Variants in ATP11C observed in about 807,000 individuals in gnomAD.
ATP11C encodes ATPase phospholipid transporting 11C (ATP11C blood group), also known as phospholipid-transporting ATPase IG.
In ATP11C, 36 loss-of-function variants were observed where a neutral mutation model predicts 97.4. The ratio of observed to expected loss-of-function variants is 0.37; its 90% CI spans 0.28 to 0.49. The LOEUF is 0.49. Among genes scored for constraint, ATP11C ranks in the 20% least tolerant of loss-of-function variants. ATP11C has a pLI of 0.98. For missense variants in ATP11C, 730 were observed against 824.6 expected, an observed-to-expected ratio of 0.89 and a Z score of 1.40; for synonymous variants, 275 against 290.9, an observed-to-expected ratio of 0.95 and a Z score of 0.56.
At chrX:139,747,645 C>T (rs1165725116) in intron 24 of ATP11C, among the ~76,000 whole-genome samples, 1 of 111,490 alleles carries the variant, frequency 9.0e-6, no homozygotes, top group Admixed American at 9.6e-5. Context: ...CCAATTATGT[C>T]ATCTCACATC....
At chrX:139,916,694 C>A (rs947407152) in intron 1 of ATP11C, among the ~76,000 whole-genome samples, 1 of 110,414 alleles carries the variant, frequency 9.1e-6, no homozygotes, top group African/African-American at 3.3e-5. Flanking sequence ...ATACAACGGT[C>A]CTGTGGCAGA....
intron 1 of ATP11C, among the ~76,000 whole-genome samples, chrX:139,851,304 T>C (rs774862691): frequency 2.7e-5 from 3 of 112,332 alleles, no homozygotes; most frequent in South Asian, 3.7e-4. Flanking sequence ...ACAAAGTCCA[T>C]GCCATAAACC....
intron 14 of ATP11C, among the ~76,000 whole-genome samples, chrX:139,787,534 G>C (rs2082601439): frequency 8.9e-6 from 1 of 112,333 alleles, no homozygotes; most frequent in Non-Finnish European, 1.9e-5. Context: ...CTGACCTCAG[G>C]TGATCCACCC....
At chrX:139,868,533 T>TG (rs1178907670) in intron 1 of ATP11C, among the ~76,000 whole-genome samples, 1 of 104,875 alleles carries the variant, frequency 9.5e-6, no homozygotes, top group Non-Finnish European at 2.0e-5. Flanking sequence ...CTGACCAATA[T>TG]GGTGAAACCC....
chrX:139,871,516 C>CT (rs1206468631), intron 1 of ATP11C, among the ~76,000 whole-genome samples: 3,401 of 77,127 alleles, frequency 0.044, 135 homozygotes, highest in African/African-American at 0.092. Flanking sequence ...GCCACCCCCG[C>CT]TTTTTTTTTT....
rs905394860 is a variant in ATP11C at position 139,932,059 on chromosome X, G to A, written c.-17C>T. 1.5e-5 allele frequency: 17 copies of A among 1,159,103 alleles called. No homozygotes were observed. The highest frequency in any genetic ancestry group is 2.6e-5 in the Admixed American group (1 of 38,798). The stretch of plus-strand genomic sequence containing the variant: ...GCGGAACATCGCGTCGAAGGCTGCC[G>A]GGCGCTGAGCTGGGCTCTACCGGGC... On this transcript the variant is annotated 5_prime_UTR_variant, in exon 1 of 30. Transcript: ENST00000682941.
chrX:139,817,644 A>C (rs1247106917), intron 3 of ATP11C, among the ~76,000 whole-genome samples: 1 of 112,365 alleles, frequency 8.9e-6, no homozygotes, highest in East Asian at 2.8e-4. Context: ...GTGGAAGATG[A>C]ATTAGAAGGG....
intron 16 of ATP11C, among the ~76,000 whole-genome samples, chrX:139,783,554 G>A (rs1222581779): frequency 8.9e-6 from 1 of 111,852 alleles, no homozygotes; most frequent in African/African-American, 3.3e-5. Context: ...CTGGGCTTGT[G>A]TCAAGGAGCT....
At chrX:139,906,617 A>G (rs73243392) in intron 1 of ATP11C, among the ~76,000 whole-genome samples, 5,652 of 108,558 alleles carry the variant, frequency 0.052, 254 homozygotes, top group East Asian at 0.29. Context: ...CCCCGTCTCT[A>G]CTAAAAATAC....
At chrX:139,848,569 T>C (rs1476501551) in intron 1 of ATP11C, among the ~76,000 whole-genome samples, 1 of 109,837 alleles carries the variant, frequency 9.1e-6, no homozygotes, top group Non-Finnish European at 1.9e-5. Flanking sequence ...GGCATAATCA[T>C]GTGCAATGCA....
rs2082853108 is a variant in ATP11C at position 139,798,690 on chromosome X, T to C, written c.764A>G (p.Glu255Gly). ...TAAAAATTGTTCACCATATATCTTC[T>C]CGGTATTTTTTAGCGTAGCTCCTTT... ...LLKGATLKNT[E>G]KIYGVAVYTG... The change falls in exon 9 of 30, where the codon GAG (glutamate) becomes GGG (glycine). Residue 255 changes from glutamate (E) to glycine (G), a missense_variant. Transcript: ENST00000682941. 1 of 1,203,841 alleles carries C rather than the reference T, an allele frequency of 8.3e-7. No homozygotes were observed. The highest frequency in any genetic ancestry group is 1.1e-6 in the Non-Finnish European group (1 of 889,197).
At chrX:139,835,982 G>T (rs182103965) in intron 1 of ATP11C, among the ~76,000 whole-genome samples, 163 of 82,074 alleles carry the variant, frequency 2.0e-3, no homozygotes, top group Non-Finnish European at 3.1e-3. Flanking sequence ...AGCTGAGATC[G>T]CATCACTGCA....
chrX:139,881,346 C>T (rs2084558733), intron 1 of ATP11C, among the ~76,000 whole-genome samples: 1 of 111,243 alleles, frequency 9.0e-6, no homozygotes, highest in Non-Finnish European at 1.9e-5. Context: ...ACCCAGGCCA[C>T]GAGAGTAGAA....
rs927307485 is a variant in ATP11C, at chrX:139,727,516, AT to A, written c.*1449del. On this transcript the variant is annotated 3_prime_UTR_variant, in exon 30 of 30. Transcript: ENST00000682941. ...GTTCTTTTCTAGAATTTAGAAAAAA[AT>A]CATACCTAAACATTAACACAAAATA... 6.3e-5 allele frequency: 7 copies of A among 111,712 alleles called. No homozygotes were observed. Among genetic ancestry groups the A allele is most frequent in the African/African-American group, 2.3e-4 (7 of 30,745 alleles). 9.2% of individuals were successfully genotyped at this position (111,712 alleles called of 1,213,427 possible). A position where few individuals can be genotyped will look rare whatever the true frequency, so the allele number is the denominator to read the frequency against.
intron 23 of ATP11C, among the ~76,000 whole-genome samples, chrX:139,756,574 A>T (rs1333257326): frequency 8.9e-6 from 1 of 111,854 alleles, no homozygotes; most frequent in Non-Finnish European, 1.9e-5. Flanking sequence ...ATCAACCTAA[A>T]TTCCCATCAA....
At chrX:139,743,684 T>C in intron 25 of ATP11C, 60 bp from the exon 26 acceptor site, 1 of 758,418 alleles carries the variant, frequency 1.3e-6, no homozygotes. Context: ...TTAGTATTTT[T>C]TCATTTAAAA....
rs756111090 is a variant in ATP11C at position 139,855,897 on chromosome X, G to A, written c.28-29074C>T. On this transcript the variant is annotated intron_variant, in intron 1 of 29. Transcript: ENST00000682941. ...GCCCCCCGATGTAGACCTTTATATC[G>A]TAGTTGGTCCAGTGTTCTGTGGACC... is the stretch of plus-strand genomic sequence containing the variant. Among the ~76,000 whole-genome samples the A allele has an allele frequency of 1.4e-3, 159 of 112,011 alleles. 2 individuals carry two copies. The highest frequency in any genetic ancestry group is 6.6e-3 in the Admixed American group (70 of 10,584).
At chrX:139,892,333 A>C (rs757816364) in intron 1 of ATP11C, among the ~76,000 whole-genome samples, 31 of 111,631 alleles carry the variant, frequency 2.8e-4, no homozygotes, top group Admixed American at 6.7e-4. Context: ...CATTACTAGA[A>C]AAGACAGTGC....
chrX:139,827,662 T>G (rs1433221940), intron 1 of ATP11C, among the ~76,000 whole-genome samples: 4 of 111,679 alleles, frequency 3.6e-5, no homozygotes, highest in Non-Finnish European at 7.5e-5. Flanking sequence ...AGTCAAAGGA[T>G]GCATGACAGA....
Sources: allele counts gnomAD v4.1 joint callset (sites outside exome capture counted in the v4.1 genomes callset), GRCh38; gene constraint gnomAD v4.1.1; transcripts MANE v1.5; gene names NCBI Gene and HGNC (gene_info 2026-07-23, HGNC 2026-07-21).